Variants in LRRC4C observed in about 807,000 individuals in gnomAD.
The protein encoded by LRRC4C is leucine-rich repeat-containing protein 4C.
Under a neutral mutation model 33.6 loss-of-function variants are expected in LRRC4C, and 5 were observed. The ratio of observed to expected loss-of-function variants is 0.15; its 90% confidence interval spans 0.08 to 0.31. LRRC4C has a LOEUF of 0.31. LRRC4C is among the 10% of genes least tolerant of loss of function. The pLI is 1.00. For missense variants in LRRC4C, 560 were observed against 796.7 expected (o/e 0.70, Z 3.58); for synonymous variants, 329 against 302.0 (o/e 1.09, Z -0.93).
intron 1 of LRRC4C, among the ~76,000 whole-genome samples, chr11:41,406,677 A>G (rs1304688948): frequency 6.8e-6 from 1 of 147,488 alleles, no homozygotes; most frequent in East Asian, 2.0e-4. Context: ...CCATCAAAGT[A>G]TTCCTCTTTC....
At chr11:40,435,350 T>C (rs1327910346) in intron 3 of LRRC4C, among the ~76,000 whole-genome samples, 2 of 152,244 alleles carry the variant, frequency 1.3e-5, no homozygotes, top group African/African-American at 4.8e-5. Context: ...TCTTGAGATG[T>C]TAATTTTACC....
chr11:40,777,954 C>G (rs952419138), intron 2 of LRRC4C, among the ~76,000 whole-genome samples: 6 of 152,150 alleles, frequency 3.9e-5, no homozygotes, highest in African/African-American at 1.4e-4. Context: ...TCCCAAAGTG[C>G]TGGGATTACA....
chr11:40,899,085 A>T (rs1369962665), intron 2 of LRRC4C, among the ~76,000 whole-genome samples: 2 of 130,196 alleles, frequency 1.5e-5, no homozygotes, highest in Non-Finnish European at 3.3e-5. Context: ...CAGAATATGG[A>T]TGTGGTCATT....
intron 2 of LRRC4C, among the ~76,000 whole-genome samples, chr11:40,861,378 T>C (rs1954093404): frequency 6.6e-6 from 1 of 152,104 alleles, no homozygotes; most frequent in Non-Finnish European, 1.5e-5. Flanking sequence ...ATAAGAAAGG[T>C]TTAGTCCTTT....
chr11:40,223,340 G>A (rs892842267), intron 5 of LRRC4C, among the ~76,000 whole-genome samples: 2 of 152,116 alleles, frequency 1.3e-5, no homozygotes, highest in Non-Finnish European at 1.5e-5. Context: ...AAGTGAACAT[G>A]GAGCAAGAGA....
chr11:40,301,451 T>C (rs1327387610), intron 4 of LRRC4C, among the ~76,000 whole-genome samples: 1 of 152,216 alleles, frequency 6.6e-6, no homozygotes, highest in Non-Finnish European at 1.5e-5. Flanking sequence ...AATTAGGAGA[T>C]GGTGTGAATC....
intron 1 of LRRC4C, among the ~76,000 whole-genome samples, chr11:41,401,431 G>C (rs1664268200): frequency 6.6e-6 from 1 of 151,428 alleles, no homozygotes; most frequent in African/African-American, 2.4e-5. Flanking sequence ...TGATTATCTG[G>C]TGCATTTACT....
chr11:41,422,596 C>T (rs1256684052), intron 1 of LRRC4C, among the ~76,000 whole-genome samples: 1 of 151,138 alleles, frequency 6.6e-6, no homozygotes, highest in Non-Finnish European at 1.5e-5. Flanking sequence ...ACTGAAACAC[C>T]AAACCCTAGA....
intron 3 of LRRC4C, among the ~76,000 whole-genome samples, chr11:40,513,520 A>G (rs80313664): frequency 0.065 from 9,823 of 152,170 alleles, 836 homozygotes; most frequent in African/African-American, 0.2. Context: ...CAGGGCTGCA[A>G]GCTGGAGAGG....
intron 1 of LRRC4C, among the ~76,000 whole-genome samples, chr11:41,020,930 C>A (rs1855917818): frequency 6.6e-6 from 1 of 152,128 alleles, no homozygotes; most frequent in Non-Finnish European, 1.5e-5. Context: ...TCCTACTCAT[C>A]TGTCAAGCCT....
chr11:41,128,850 A>G (rs746200416), intron 1 of LRRC4C, among the ~76,000 whole-genome samples: 3 of 152,042 alleles, frequency 2.0e-5, no homozygotes, highest in Admixed American at 2.0e-4. Flanking sequence ...TCCTGTGAGG[A>G]TATAACTTCA....
chr11:41,371,114 G>T (rs112933970), intron 1 of LRRC4C, among the ~76,000 whole-genome samples: 1 of 151,876 alleles, frequency 6.6e-6, no homozygotes, highest in South Asian at 2.1e-4. Context: ...GTTCTCAGCC[G>T]CCTTGATATA....
chr11:40,208,831 T>C (rs1229264424), intron 5 of LRRC4C, among the ~76,000 whole-genome samples: 1 of 152,194 alleles, frequency 6.6e-6, no homozygotes, highest in Non-Finnish European at 1.5e-5. Context: ...ATTGTTTACA[T>C]TTCTTCCAAA....
chr11:40,970,049 T>A (rs1444210207), intron 1 of LRRC4C, among the ~76,000 whole-genome samples: 2 of 152,116 alleles, frequency 1.3e-5, no homozygotes, highest in Admixed American at 6.6e-5. Context: ...TGTTGGAGAA[T>A]CAGAGCTATG....
intron 1 of LRRC4C, among the ~76,000 whole-genome samples, chr11:41,212,915 G>T (rs549024674): frequency 2.0e-5 from 3 of 152,160 alleles, no homozygotes; most frequent in Non-Finnish European, 2.9e-5. Flanking sequence ...CATGGCTAAG[G>T]TAAATCGTAA....
chr11:40,865,816 C>A (rs1406259700), intron 2 of LRRC4C, among the ~76,000 whole-genome samples: 2 of 151,424 alleles, frequency 1.3e-5, no homozygotes, highest in Non-Finnish European at 2.9e-5. Flanking sequence ...AAAGATTAAA[C>A]TGCATATTAT....
chr11:40,751,439 A>G (rs1465243731), intron 2 of LRRC4C, among the ~76,000 whole-genome samples: 1 of 152,138 alleles, frequency 6.6e-6, no homozygotes, highest in Admixed American at 6.6e-5. Flanking sequence ...AAAGTTAACA[A>G]TAGTCAGTAA....
In LRRC4C at chr11:40,607,696, T is replaced by C. The variant is rs927886416; in HGVS notation, c.-270+40446A>G. 8.5e-5 allele frequency among the ~76,000 whole-genome samples: 13 copies of C among 152,060 alleles called. 1 individual carries two copies. The highest frequency in any genetic ancestry group is 1.3e-4 in the Non-Finnish European group (9 of 68,030). ...CCAAGCCCACGTGTGATCCAATTTT[T>C]CCAGTACCCTAGGACAAAAACCTTG... is the stretch of plus-strand genomic sequence containing the variant. On this transcript the variant is annotated intron_variant, in intron 3 of 6. Coordinates refer to ENST00000528697, the MANE Select transcript of LRRC4C (RefSeq NM_001258419.2).
At chr11:40,380,442 T>C (rs1948822302) in intron 3 of LRRC4C, among the ~76,000 whole-genome samples, 1 of 152,196 alleles carries the variant, frequency 6.6e-6, no homozygotes, top group Admixed American at 6.5e-5. Flanking sequence ...AATATAGTGG[T>C]TAAAGATTTA....
Sources: allele counts gnomAD v4.1 joint callset (sites outside exome capture counted in the v4.1 genomes callset), GRCh38; gene constraint gnomAD v4.1.1; transcripts MANE v1.5; gene names NCBI Gene and HGNC (gene_info 2026-07-23, HGNC 2026-07-21).